The following PTH2R variants were observed in gnomAD, a reference collection of about 807,000 sequenced individuals.
PTH2R encodes PTH2 receptor.
Under a neutral mutation model 60.3 loss-of-function variants are expected in PTH2R, and 59 were observed. The observed-to-expected ratio is 0.98, with a 90% CI of 0.79 to 1.22. The LOEUF (loss-of-function observed/expected upper bound fraction) is 1.22, where lower values mean the gene tolerates loss of function less well. PTH2R is among the 50% of genes most tolerant of loss of function. The pLI is 0.00. For synonymous variants in PTH2R, 256 were observed against 243.8 expected (o/e 1.05, Z -0.47); for missense variants, 749 against 682.6 (o/e 1.10, Z -1.08).
At chr2:208,436,982 A>G (rs1486599743) in intron 2 of PTH2R, among the ~76,000 whole-genome samples, 2 of 152,156 alleles carry the variant, frequency 1.3e-5, no homozygotes, top group South Asian at 2.1e-4. Flanking sequence ...TCGTGGTGAC[A>G]GTAGATGTTG....
intron 1 of PTH2R, among the ~76,000 whole-genome samples, chr2:208,373,105 T>C (rs1319114216): frequency 1.3e-5 from 2 of 151,880 alleles, no homozygotes; most frequent in Admixed American, 6.6e-5. Context: ...AATAAATAAA[T>C]GAAAACTTAT....
intron 1 of PTH2R, among the ~76,000 whole-genome samples, chr2:208,369,364 C>T (rs1195403754): frequency 4.3e-4 from 55 of 127,856 alleles, no homozygotes; most frequent in African/African-American, 1.7e-3. Flanking sequence ...ACACTGGTCT[C>T]TCTCTCTTTT....
intron 1 of PTH2R, among the ~76,000 whole-genome samples, chr2:208,377,503 C>A (rs1231309015): frequency 6.7e-6 from 1 of 149,274 alleles, no homozygotes; most frequent in South Asian, 2.1e-4. Flanking sequence ...TGGAGGCGGG[C>A]CCCCACCTCC....
chr2:208,418,430 GC>G (rs1283534107), intron 1 of PTH2R, among the ~76,000 whole-genome samples: 1 of 150,414 alleles, frequency 6.6e-6, no homozygotes, highest in African/African-American at 2.4e-5. Flanking sequence ...AAAATCAAAA[GC>G]AAAATAATAG....
chr2:208,437,447 A>G (rs1466007329), intron 2 of PTH2R, 90 bp from the exon 3 acceptor site: 7 of 955,896 alleles, frequency 7.3e-6, no homozygotes, highest in Non-Finnish European at 1.1e-5. Context: ...ACAGACAATG[A>G]CCTAAAATTT....
At chr2:208,458,291 T>C (rs1287220304) in intron 8 of PTH2R, among the ~76,000 whole-genome samples, 2 of 152,142 alleles carry the variant, frequency 1.3e-5, no homozygotes, top group Non-Finnish European at 2.9e-5. Context: ...ATGTAGAACT[T>C]AAACTCAAGT....
At chr2:208,453,660 T>TA (rs1031881681) in intron 8 of PTH2R, among the ~76,000 whole-genome samples, 10 of 152,304 alleles carry the variant, frequency 6.6e-5, no homozygotes, top group African/African-American at 1.7e-4. Context: ...TAAGCAATGA[T>TA]AAAGTTTGAG....
Position 208,406,865 on chromosome 2 carries a change from A to C in PTH2R, c.-179A>C. The C allele has an allele frequency of 4.7e-6, 2 of 428,324 alleles. No individual in the cohort carries two copies. The highest frequency in any genetic ancestry group is 8.2e-6 in the Non-Finnish European group (2 of 245,110). 26.5% of individuals were successfully genotyped at this position (428,324 alleles called of 1,614,324 possible). ...GCGCAGCAGCACGCGGGTTCTGAGA[A>C]GCGCGTGGCTCCGGCGACAAGACCC... On this transcript the variant is annotated 5_prime_UTR_variant, in exon 1 of 13. Transcript: ENST00000272847.
In PTH2R at chr2:208,445,062, A is replaced by G. The variant is rs3769519; in HGVS notation, c.853+175A>G. 2.0e-5 allele frequency among the ~76,000 whole-genome samples: 3 copies of G among 152,204 alleles called. No homozygotes were observed. The East Asian group carries it at 5.8e-4, about 29-fold the overall frequency. On this transcript the variant is annotated intron_variant, in intron 7 of 12. Coordinates refer to ENST00000272847, the MANE Select transcript of PTH2R (RefSeq NM_005048.4). ...GACAAAAATAATTAAGATCAAGTCT[A>G]TAATTCTCCCAGTGGTGACAAACTT...
At chr2:208,405,468 A>G (rs1419734415), upstream of PTH2R, among the ~76,000 whole-genome samples, 1 of 152,206 alleles carries the variant, frequency 6.6e-6, no homozygotes, top group Non-Finnish European at 1.5e-5. Context: ...TCAGAAAAAT[A>G]TTTTATATTG....
chr2:208,449,251 A>G (rs1574883256), intron 7 of PTH2R, among the ~76,000 whole-genome samples: 1 of 152,200 alleles, frequency 6.6e-6, no homozygotes, highest in South Asian at 2.1e-4. Context: ...ACATAGTATC[A>G]CTTTTATTTA....
chr2:208,385,196 C>T (rs1700980697), intron 1 of PTH2R, among the ~76,000 whole-genome samples: 1 of 152,070 alleles, frequency 6.6e-6, no homozygotes, highest in Non-Finnish European at 1.5e-5. Flanking sequence ...TTCCAAGAAA[C>T]TGTGTTTTTA....
intron 9 of PTH2R, among the ~76,000 whole-genome samples, chr2:208,467,985 A>G (rs774949431): frequency 1.2e-4 from 18 of 152,198 alleles, no homozygotes; most frequent in South Asian, 2.1e-4. Context: ...TTAAATTTGT[A>G]TTTGGCCTCA....
At chr2:208,474,820 G>A (rs1419145939) in intron 9 of PTH2R, among the ~76,000 whole-genome samples, 2 of 152,236 alleles carry the variant, frequency 1.3e-5, no homozygotes, top group East Asian at 3.8e-4. Context: ...AGACGCAAAT[G>A]TCTAAGAGAG....
intron 1 of PTH2R, among the ~76,000 whole-genome samples, chr2:208,392,877 C>CT (rs2125883510): frequency 6.6e-6 from 1 of 152,302 alleles, no homozygotes; most frequent in South Asian, 2.1e-4. Flanking sequence ...CCTGTCAATC[C>CT]TGCTGGACCA....
intron 1 of PTH2R, among the ~76,000 whole-genome samples, chr2:208,416,917 A>G (rs1701652252): frequency 6.6e-6 from 1 of 152,136 alleles, no homozygotes; most frequent in African/African-American, 2.4e-5. Flanking sequence ...GCAGATGGCT[A>G]TTGTGGAACC....
intron 1 of PTH2R, among the ~76,000 whole-genome samples, chr2:208,376,449 T>C (rs1179738239): frequency 6.6e-6 from 1 of 152,148 alleles, no homozygotes; most frequent in African/African-American, 2.4e-5. Context: ...TTTCGTCAAA[T>C]AGGCTTTGAT....
chr2:208,443,087 T>A (rs937623128), intron 5 of PTH2R, among the ~76,000 whole-genome samples: 3 of 152,224 alleles, frequency 2.0e-5, no homozygotes, highest in Non-Finnish European at 4.4e-5. Context: ...TCTATTTACA[T>A]AGCATTCACA....
chr2:208,446,389 C>T (rs147106487), intron 7 of PTH2R, among the ~76,000 whole-genome samples: 275 of 152,262 alleles, frequency 1.8e-3, no homozygotes, highest in African/African-American at 6.0e-3. Context: ...TCCTTTACAG[C>T]TTTTATTAAT....
Sources: gnomAD v4.1 joint callset for allele counts (sites outside exome capture counted in the v4.1 genomes callset) on GRCh38, gnomAD v4.1.1 for gene constraint, MANE v1.5 for transcripts, NCBI Gene and HGNC (gene_info 2026-07-23, HGNC 2026-07-21) for gene names.